The following CELF2 variants were observed in gnomAD, a reference collection of about 807,000 sequenced individuals.
The protein encoded by CELF2 is CUGBP Elav-like family member 2, also known as CUG triplet repeat RNA-binding protein 2.
CELF2 carries 8 observed loss-of-function variants against 62.6 expected under a neutral mutation model. That is an observed-to-expected ratio of 0.13 (90% CI 0.07 to 0.23). The LOEUF is 0.23. CELF2 is among the 10% of genes least tolerant of loss of function. CELF2 has a pLI of 1.00. For missense variants in CELF2, 333 were observed against 671.0 expected (o/e 0.50, Z 5.56); for synonymous variants, 258 against 250.0 (o/e 1.03, Z -0.30).
At chr10:11,022,538 T>C (rs2138185570) in intron 1 of CELF2, among the ~76,000 whole-genome samples, 1 of 148,254 alleles carries the variant, frequency 6.7e-6, no homozygotes, top group Admixed American at 6.6e-5. Context: ...GTTTGGTTGT[T>C]TTTTTTTTCT....
At chr10:11,094,314 G>A (rs957276621) in intron 1 of CELF2, among the ~76,000 whole-genome samples, 7 of 152,208 alleles carry the variant, frequency 4.6e-5, no homozygotes, top group Non-Finnish European at 7.3e-5. Context: ...TAAGCATGGC[G>A]TTGGAAGAAA....
chr10:10,901,750 A>G (rs1017072101), intron 1 of CELF2, among the ~76,000 whole-genome samples: 1 of 152,204 alleles, frequency 6.6e-6, no homozygotes, highest in Non-Finnish European at 1.5e-5. Flanking sequence ...ATATTATTAC[A>G]TTATATATCC....
At chr10:10,843,826 C>A (rs1042355020) in intron 1 of CELF2, among the ~76,000 whole-genome samples, 1 of 151,866 alleles carries the variant, frequency 6.6e-6, no homozygotes, top group Non-Finnish European at 1.5e-5. Flanking sequence ...TGAATCTGTC[C>A]CAGTTGTCTT....
At chr10:11,047,718 G>A (rs1165724678) in intron 1 of CELF2, among the ~76,000 whole-genome samples, 1 of 152,126 alleles carries the variant, frequency 6.6e-6, no homozygotes, top group Non-Finnish European at 1.5e-5. Context: ...TGTTTATTCA[G>A]TAGTTCTCTC....
chr10:11,185,139 T>G (rs2074501510), intron 2 of CELF2, among the ~76,000 whole-genome samples: 1 of 152,080 alleles, frequency 6.6e-6, no homozygotes, highest in African/African-American at 2.4e-5. Flanking sequence ...TCATATCGGG[T>G]TTTTTGTCTG....
chr10:10,866,752 C>G (rs1197606614), intron 1 of CELF2, among the ~76,000 whole-genome samples: 1 of 151,326 alleles, frequency 6.6e-6, no homozygotes, highest in Non-Finnish European at 1.5e-5. Context: ...AAAACCCCAT[C>G]TTTACTAAAA....
Position 11,249,198 on chromosome 10 carries a change from A to G in CELF2, c.400A>G (p.Asn134Asp). 1 of 1,612,002 alleles carries G rather than the reference A, an allele frequency of 6.2e-7. No individual in the cohort carries two copies. The highest frequency in any genetic ancestry group is 8.5e-7 in the Non-Finnish European group (1 of 1,178,030). The change falls in exon 4 of 13, where the codon AAC becomes GAC. Residue 134 changes from asparagine to aspartate, a missense_variant. Around this residue, in one of 3 missense-constraint regions of CELF2, gnomAD observed 253 missense variants for 503.0 expected, o/e 0.50. Coordinates refer to ENST00000633077, the MANE Select transcript of CELF2 (RefSeq NM_001326342.2). Reference protein sequence around the residue: ...QMKPADSEKSNAVEDRKLFIG... With the variant: ...QMKPADSEKSDAVEDRKLFIG... ...GAAACCTGCAGATAGTGAAAAGTCCAACGGTAGGTGGTAACCAACTGTCTT... is the reference window on the plus strand; with the variant it reads ...GAAACCTGCAGATAGTGAAAAGTCCGACGGTAGGTGGTAACCAACTGTCTT...
intron 1 of CELF2, among the ~76,000 whole-genome samples, chr10:10,890,907 C>T (rs902720344): frequency 1.1e-4 from 17 of 152,000 alleles, no homozygotes; most frequent in East Asian, 1.9e-4. Flanking sequence ...TCCAGCTACT[C>T]GGGAGGCTGA....
intron 1 of CELF2, among the ~76,000 whole-genome samples, chr10:11,140,860 T>C (rs1368972880): frequency 2.6e-5 from 4 of 152,032 alleles, no homozygotes; most frequent in African/African-American, 9.7e-5. Context: ...CTACAAAAAA[T>C]TTAAAAATTA....
chr10:10,932,581 C>T (rs555463653), intron 2 of CELF2, among the ~76,000 whole-genome samples: 1 of 151,706 alleles, frequency 6.6e-6, no homozygotes, highest in Non-Finnish European at 1.5e-5. Context: ...ATAAAAGAAC[C>T]AAATGGTTCA....
intron 1 of CELF2, among the ~76,000 whole-genome samples, chr10:10,888,903 T>A (rs1227795893): frequency 6.6e-6 from 1 of 152,208 alleles, no homozygotes; most frequent in African/African-American, 2.4e-5. Flanking sequence ...TTCATAGGCT[T>A]CTTGGAGCGG....
chr10:10,539,965 C>T, the CELF2 span, among the ~76,000 whole-genome samples: 29 of 152,254 alleles, frequency 1.9e-4, no homozygotes, highest in African/African-American at 2.9e-4. Flanking sequence ...AGTGAATCTT[C>T]GGGAACAAAT....
In CELF2 at chr10:10,995,989, G is replaced by A. The variant is rs2053906400; in HGVS notation, c.89+75990G>A. On this transcript the variant is annotated intron_variant, in intron 2 of 13. Coordinates refer to the CELF2 transcript ENST00000636488. This position sits in a 1 kb window ranked among gnomAD's most constrained non-coding sequence, Gnocchi z 4.7. ...TGTTCAGTCTGTGAATATTCCATGA[G>A]CTAAACACTTAGGTGAACTTTCCTG... Among the ~76,000 whole-genome samples, 1 of 152,184 alleles carries A rather than the reference G, an allele frequency of 6.6e-6. No individual in the cohort carries two copies. Among genetic ancestry groups the A allele is most frequent in the African/African-American group, 2.4e-5 (1 of 41,450 alleles).
chr10:10,771,785 T>C, the CELF2 span, among the ~76,000 whole-genome samples: 1 of 152,218 alleles, frequency 6.6e-6, no homozygotes, highest in Non-Finnish European at 1.5e-5. Flanking sequence ...AACCTCTTTC[T>C]TTTGTAAATT....
the CELF2 span, among the ~76,000 whole-genome samples, chr10:10,471,701 G>T: frequency 1.3e-5 from 2 of 151,438 alleles, no homozygotes; most frequent in African/African-American, 2.4e-5. Context: ...CTCTTTTAAA[G>T]AATTTAAGAG....
rs1161404661 is a variant in CELF2 at position 11,243,346 on chromosome 10, G to T, written c.355-5807G>T. Reference sequence around the variant, plus strand: ...CATGTACCTTAACGTGCGGCTTTAGGCAAAATGTTATTCAAAAAAAAAAAA... The same window carrying T: ...CATGTACCTTAACGTGCGGCTTTAGTCAAAATGTTATTCAAAAAAAAAAAA... On this transcript the variant is annotated intron_variant, in intron 3 of 12. Coordinates refer to ENST00000633077, the MANE Select transcript of CELF2 (RefSeq NM_001326342.2). This position sits in a 1 kb window ranked among gnomAD's most constrained non-coding sequence, Gnocchi z 4.1. 1.4e-5 allele frequency among the ~76,000 whole-genome samples: 2 copies of T among 142,428 alleles called. No homozygotes were observed. Among genetic ancestry groups the T allele is most frequent in the African/African-American group, 5.3e-5 (2 of 37,684 alleles). The allele number at this position is 142,428 out of a possible 152,430, so 93.4% of individuals were successfully genotyped here. A position where few individuals can be genotyped will look rare whatever the true frequency, so the allele number is the denominator to read the frequency against.
intron 1 of CELF2, among the ~76,000 whole-genome samples, chr10:11,044,063 C>A (rs114279958): frequency 6.6e-6 from 1 of 152,190 alleles, no homozygotes; most frequent in South Asian, 2.1e-4. Flanking sequence ...ACGGCCTTTG[C>A]GTCTTCACTT....
intron 3 of CELF2, among the ~76,000 whole-genome samples, chr10:11,235,275 T>C (rs970448656): frequency 1.3e-5 from 2 of 152,236 alleles, no homozygotes; most frequent in African/African-American, 4.8e-5. Flanking sequence ...ACAGGTCAAG[T>C]GCTGTCAATA....
At chr10:10,683,733 G>A in the CELF2 span, among the ~76,000 whole-genome samples, 6 of 152,180 alleles carry the variant, frequency 3.9e-5, no homozygotes, top group African/African-American at 1.4e-4. Flanking sequence ...TATATGATGG[G>A]CTTGGTTATG....
Sources: gnomAD v4.1 joint callset for allele counts (sites outside exome capture counted in the v4.1 genomes callset) on GRCh38, gnomAD v4.1.1 for gene constraint, gnomAD v4.1.1 regional missense constraint, Gnocchi (gnomAD v3.1) non-coding constraint, MANE v1.5 for transcripts, NCBI Gene and HGNC (gene_info 2026-07-23, HGNC 2026-07-21) for gene names.